LRRC49: variants seen among roughly 807,000 people sequenced by gnomAD.
LRRC49 encodes leucine rich repeat containing 49.
Under a neutral mutation model 83.3 loss-of-function variants are expected in LRRC49, and 50 were observed. That is an observed-to-expected ratio of 0.60 (90% CI 0.48 to 0.76). The LOEUF is 0.76. LRRC49 is among the 30% of genes least tolerant of loss of function. The pLI is 0.00. For synonymous variants in LRRC49, 286 were observed against 283.3 expected, an observed-to-expected ratio of 1.01 and a Z score of -0.10; for missense variants, 704 against 809.1, an observed-to-expected ratio of 0.87 and a Z score of 1.58.
At chr15:70,974,335 G>A (rs931210218) in intron 9 of LRRC49, among the ~76,000 whole-genome samples, 2 of 152,118 alleles carry the variant, frequency 1.3e-5, no homozygotes, top group Admixed American at 1.3e-4. Context: ...GTCTTTTATG[G>A]CATCATTTTG....
intron 11 of LRRC49, among the ~76,000 whole-genome samples, chr15:70,995,725 G>A (rs1158710903): frequency 6.6e-6 from 1 of 152,176 alleles, no homozygotes; most frequent in East Asian, 1.9e-4. Flanking sequence ...AACTTTTAAA[G>A]TGGCATATGG....
intron 4 of LRRC49, among the ~76,000 whole-genome samples, chr15:70,901,561 A>G (rs1274993992): frequency 1.3e-5 from 2 of 152,046 alleles, no homozygotes; most frequent in East Asian, 1.9e-4. Flanking sequence ...AAATGTCATC[A>G]TTTCAGGGAT....
intron 11 of LRRC49, chr15:70,984,694 A>G (rs2037532773): frequency 6.6e-6 from 1 of 152,588 alleles, no homozygotes; most frequent in Non-Finnish European, 1.5e-5. Context: ...TTAGTTACAT[A>G]TGTATACATG....
chr15:70,899,186 TAA>T (rs995506377), intron 3 of LRRC49, among the ~76,000 whole-genome samples: 8 of 152,214 alleles, frequency 5.3e-5, no homozygotes, highest in Admixed American at 4.6e-4. Context: ...TCAAGTCTTG[TAA>T]AGTTTAAATT....
intron 11 of LRRC49, among the ~76,000 whole-genome samples, chr15:70,990,871 T>C (rs2037853696): frequency 6.6e-6 from 1 of 152,200 alleles, no homozygotes; most frequent in African/African-American, 2.4e-5. Flanking sequence ...CCTAGCTAAC[T>C]TCAGCAAACC....
At chr15:70,992,819 A>C (rs1022739830) in intron 11 of LRRC49, among the ~76,000 whole-genome samples, 1 of 151,986 alleles carries the variant, frequency 6.6e-6, no homozygotes, top group Non-Finnish European at 1.5e-5. Context: ...CAGTTAGGCT[A>C]CTCGGGGGTC....
At chr15:70,878,006 G>A (rs966209219) in intron 2 of LRRC49, among the ~76,000 whole-genome samples, 3 of 152,052 alleles carry the variant, frequency 2.0e-5, no homozygotes, top group Non-Finnish European at 4.4e-5. Context: ...GGTGGCGGGC[G>A]CCTGTAGTCC....
intron 7 of LRRC49, among the ~76,000 whole-genome samples, chr15:70,928,154 G>A (rs1399039797): frequency 5.3e-5 from 8 of 151,758 alleles, no homozygotes; most frequent in Non-Finnish European, 1.2e-4. Flanking sequence ...CCATCTATTC[G>A]TCTACGTAAT....
chr15:71,006,545 CAA>C (rs1361775316), intron 11 of LRRC49, among the ~76,000 whole-genome samples: 1 of 152,060 alleles, frequency 6.6e-6, no homozygotes, highest in East Asian at 1.9e-4. Context: ...GCTTATGGTT[CAA>C]ACATCCTTCT....
chr15:71,011,825 A>C (rs2038661388), intron 13 of LRRC49, among the ~76,000 whole-genome samples: 1 of 152,160 alleles, frequency 6.6e-6, no homozygotes, highest in East Asian at 1.9e-4. Flanking sequence ...TTTGTGAATT[A>C]TTGGTTTGTT....
At chr15:70,956,342 G>A (rs147166871) in intron 8 of LRRC49, among the ~76,000 whole-genome samples, 129 of 152,192 alleles carry the variant, frequency 8.5e-4, no homozygotes, top group African/African-American at 3.0e-3. Flanking sequence ...AAGCAGATGT[G>A]GCAATGTGAG....
In LRRC49 at chr15:71,037,251, C is replaced by T. The variant is rs1009117640; in HGVS notation, c.1776C>T (p.Asp592=). ...GTATTATCAACGAAGAAAATAATGA[C>T]AGCAAAAGACTTGTAGGAGAAAACA... is the stretch of plus-strand genomic sequence containing the variant. ...KPGIINEENN[D]SKRLVGENTN... The change falls in exon 15 of 16, where the codon GAC becomes GAT. Residue 592 remains aspartate, a synonymous_variant. Transcript: ENST00000260382. 2 of 1,608,952 alleles carry T rather than the reference C, an allele frequency of 1.2e-6. No individual in the cohort carries two copies. Among genetic ancestry groups the T allele is most frequent in the African/African-American group, 1.3e-5 (1 of 74,706 alleles).
chr15:71,004,033 C>G (rs1054377903), intron 11 of LRRC49, among the ~76,000 whole-genome samples: 13 of 152,190 alleles, frequency 8.5e-5, no homozygotes, highest in Non-Finnish European at 2.9e-5. Flanking sequence ...GTATCCCTAA[C>G]ACCAGTACCT....
At position 70,892,850 on chromosome 15, in the gene LRRC49, C is replaced by A. The variant is rs373728684; in HGVS notation, c.-45C>A. ...TCTCTTTGAATCTCCGCTGTAGCGT[C>A]ACCTGGAAGGCAGATCTAACAGAGA... On this transcript the variant is annotated 5_prime_UTR_variant, in exon 1 of 16. Transcript: ENST00000260382. The A allele has an allele frequency of 2.5e-6, 4 of 1,614,076 alleles. No homozygotes were observed. Among genetic ancestry groups the A allele is most frequent in the Non-Finnish European group, 2.5e-6 (3 of 1,180,028 alleles).
At chr15:70,902,575 C>A (rs1242452679) in intron 4 of LRRC49, 1 of 152,254 alleles carries the variant, frequency 6.6e-6, no homozygotes, top group African/African-American at 2.4e-5. Context: ...GGTATCATTT[C>A]TGAGAGCCAG....
rs1283358965 is a variant in LRRC49 at position 70,893,171 on chromosome 15, G to C, written c.48+229G>C. ...CTGGGCTCCCCAGAAGGTGGAGCTGGTCTGCTGTGAAAGGCTTGGGTTTAT... is the reference window on the plus strand; with the variant it reads ...CTGGGCTCCCCAGAAGGTGGAGCTGCTCTGCTGTGAAAGGCTTGGGTTTAT... On this transcript the variant is annotated intron_variant, in intron 1 of 15. Coordinates refer to ENST00000260382, the MANE Select transcript of LRRC49 (RefSeq NM_017691.5). 1.3e-5 allele frequency: 8 copies of C among 608,030 alleles called. No homozygotes were observed. In the East Asian group the frequency reaches 1.6e-4, roughly 13 times the overall value. 37.7% of individuals were successfully genotyped at this position (608,030 alleles called of 1,614,324 possible). A position where few individuals can be genotyped will look rare whatever the true frequency, so the allele number is the denominator to read the frequency against.
At position 70,913,382 on chromosome 15, in the gene LRRC49, T is replaced by A. The variant is rs538706429; in HGVS notation, c.567+1784T>A. Among the ~76,000 whole-genome samples, 7 of 152,340 alleles carry A rather than the reference T, an allele frequency of 4.6e-5. 1 individual carries two copies. In the South Asian group the frequency reaches 1.5e-3, roughly 32 times the overall value. Reference sequence around the variant, plus strand: ...GTTCAGCCTGATGTGTTTGTCTGTGTGTGCATGTAGTAAGTGGGAGGAGTG... The same window carrying A: ...GTTCAGCCTGATGTGTTTGTCTGTGAGTGCATGTAGTAAGTGGGAGGAGTG... On this transcript the variant is annotated intron_variant, in intron 6 of 15. Coordinates refer to ENST00000260382, the MANE Select transcript of LRRC49 (RefSeq NM_017691.5).
At chr15:70,898,578 C>G in intron 3 of LRRC49, 1 of 523,350 alleles carries the variant, frequency 1.9e-6, no homozygotes, top group Admixed American at 3.4e-5. Context: ...AGTTCAAGAC[C>G]CCATCTTGAA....
chr15:71,011,761 C>T (rs1438885439), intron 13 of LRRC49, among the ~76,000 whole-genome samples: 2 of 152,144 alleles, frequency 1.3e-5, no homozygotes, highest in Non-Finnish European at 2.9e-5. Flanking sequence ...GTCTCCTTAA[C>T]TGTGAAGATC....
Sources: allele counts gnomAD v4.1 joint callset (sites outside exome capture counted in the v4.1 genomes callset), GRCh38; gene constraint gnomAD v4.1.1; transcripts MANE v1.5; gene names NCBI Gene and HGNC (gene_info 2026-07-23, HGNC 2026-07-21).